The following SF3B2 variants were observed in gnomAD, a reference collection of about 807,000 sequenced individuals.
The protein encoded by SF3B2 is splicing factor 3b subunit 2.
A neutral mutation model predicts 116.3 loss-of-function variants in SF3B2; 22 were observed. The observed-to-expected ratio is 0.19, with a 90% CI of 0.14 to 0.27. The LOEUF (loss-of-function observed/expected upper bound fraction) is 0.27. Among genes scored for constraint, SF3B2 ranks in the 10% least tolerant of loss-of-function variants. The pLI is 1.00. For missense variants in SF3B2, 767 were observed against 1,151.4 expected, an observed-to-expected ratio of 0.67 and a Z score of 4.83; for synonymous variants, 406 against 421.6, an observed-to-expected ratio of 0.96 and a Z score of 0.45.
intron 14 of SF3B2, 127 bp downstream of exon 14, chr11:66,060,858 G>T: frequency 2.9e-6 from 3 of 1,040,456 alleles, no homozygotes. Flanking sequence ...GGAGTGCAGT[G>T]GTGGGATCTC....
At chr11:66,058,769 G>A (rs1590712260) in intron 9 of SF3B2, 61 bp from the exon 10 acceptor site, 1 of 1,418,270 alleles carries the variant, frequency 7.1e-7, no homozygotes, top group East Asian at 2.3e-5. Context: ...GAGTTTAGGG[G>A]TTGGGGTGCT....
intron 2 of SF3B2, 106 bp downstream of exon 2, chr11:66,052,825 G>A (rs927884349): frequency 7.3e-7 from 1 of 1,374,360 alleles, no homozygotes; most frequent in African/African-American, 1.5e-5. Flanking sequence ...GGCACAGCAA[G>A]GCGGAGGCTT....
chr11:66,060,871 C>T (rs1188360081), intron 14 of SF3B2, 140 bp downstream of exon 14: 5 of 895,880 alleles, frequency 5.6e-6, no homozygotes, highest in East Asian at 2.6e-5. Flanking sequence ...GGGATCTCGG[C>T]TCACTGTAAC....
At chr11:66,063,847 C>A in intron 19 of SF3B2, 118 bp downstream of exon 19, 1 of 748,490 alleles carries the variant, frequency 1.3e-6, no homozygotes, top group Non-Finnish European at 2.1e-6. Context: ...CAACTCTCTG[C>A]CAGGCACTAC....
Position 66,057,257 on chromosome 11 carries a change from G to A in SF3B2, c.668-9G>A, listed in dbSNP as rs575508105. 5.7e-5 allele frequency: 88 copies of A among 1,533,886 alleles called. 1 individual carries two copies. In the East Asian group the frequency reaches 9.7e-4, roughly 17 times the overall value. ...TTCTGACATTGGATTTCTTTTTCCC[G>A]TCTCTTAGTAGCTGCTCCAGTGGGC... On this transcript the variant is annotated splice_polypyrimidine_tract_variant and intron_variant, in intron 6 of 21. Coordinates refer to ENST00000322535, the MANE Select transcript of SF3B2 (RefSeq NM_006842.3).
At chr11:66,056,546 ACT>A (rs756469044) in intron 5 of SF3B2, among the ~76,000 whole-genome samples, 42 of 152,122 alleles carry the variant, frequency 2.8e-4, no homozygotes, top group African/African-American at 8.7e-4. Flanking sequence ...GGGGAAGAAA[ACT>A]CTCTGAAAAG....
At chr11:66,057,035 T>G in intron 6 of SF3B2, 80 bp downstream of exon 6, 1 of 1,062,110 alleles carries the variant, frequency 9.4e-7, no homozygotes, top group Non-Finnish European at 1.5e-6. Context: ...ATCTATCACA[T>G]TTAAAAAGGG....
In SF3B2 at chr11:66,063,474, A is replaced by AGAAGAG; in HGVS notation, c.2172_2177dup (p.Glu725_Glu726dup). The AGAAGAG allele has an allele frequency of 1.2e-6, 2 of 1,614,082 alleles. No individual in the cohort carries two copies. Among genetic ancestry groups the AGAAGAG allele is most frequent in the Non-Finnish European group, 1.7e-6 (2 of 1,179,884 alleles). On this transcript the variant is annotated inframe_insertion, in exon 18 of 22. Coordinates refer to ENST00000322535, the MANE Select transcript of SF3B2 (RefSeq NM_006842.3). ...AACCATCTGATGAAGAATCCTCAGA[A>AGAAGAG]GAAGAGGAAGAGGAAGAAAGTGATG...
intron 19 of SF3B2, 170 bp from the exon 20 acceptor site, chr11:66,067,776 C>A: frequency 1.6e-6 from 1 of 610,546 alleles, no homozygotes; most frequent in Non-Finnish European, 2.9e-6. Flanking sequence ...CTGTGCCACC[C>A]CCCCGCCCAA....
At chr11:66,055,031 A>G (rs1856966133) in intron 3 of SF3B2, 45 bp from the exon 4 acceptor site, 6 of 1,489,354 alleles carry the variant, frequency 4.0e-6, no homozygotes, top group Non-Finnish European at 5.4e-6. Flanking sequence ...TTGCAGAATG[A>G]GTAGATAAAT....
Position 66,055,211 on chromosome 11 carries a change from C to T in SF3B2, c.394C>T (p.Pro132Ser). 1.2e-6 allele frequency: 2 copies of T among 1,613,332 alleles called. No individual in the cohort carries two copies. The highest frequency in any genetic ancestry group is 8.5e-7 in the Non-Finnish European group (1 of 1,179,322). ...CCCACCAAATTTGGGGCCCCCGCCTCCTCTCCGTGTGGGTGAGCCAGTGGC... is the reference window on the plus strand; with the variant it reads ...CCCACCAAATTTGGGGCCCCCGCCTTCTCTCCGTGTGGGTGAGCCAGTGGC... ...AHPPNLGPPPPLRVGEPVALS... is the reference protein window; with the variant it reads ...AHPPNLGPPPSLRVGEPVALS... The change falls in exon 4 of 22, where the codon CCT becomes TCT. Residue 132 changes from proline to serine, a missense_variant. Physicochemically the swap from Pro to Ser is moderately conservative, Grantham distance 74. Coordinates refer to ENST00000322535, the MANE Select transcript of SF3B2 (RefSeq NM_006842.3).
chr11:66,056,399 CAAAA>C (rs34575917), intron 5 of SF3B2, among the ~76,000 whole-genome samples: 5 of 52,178 alleles, frequency 9.6e-5, no homozygotes, highest in East Asian at 6.1e-4. Flanking sequence ...GACTCTGTCT[CAAAA>C]AAAAAAAAAA....
rs772844807 is a variant in SF3B2 at position 66,055,576 on chromosome 11, G to A, written c.540G>A (p.Gln180=). 25 of 1,614,186 alleles carry A rather than the reference G, an allele frequency of 1.5e-5. 1 individual carries two copies. The South Asian group carries it at 2.7e-4, about 18-fold the overall frequency. Residue 180 remains glutamine (Q), a synonymous_variant, in exon 5 of 22, where the codon CAG becomes CAA. Coordinates refer to ENST00000322535, the MANE Select transcript of SF3B2 (RefSeq NM_006842.3). ...TGAAGGAACATGAGCTCTTGGAGCA[G>A]CAGAAGCGGGTAATACCCCTCCCCC... ...HSLKEHELLE[Q]QKRAAVLLEQ...
In SF3B2 at chr11:66,052,435, G is replaced by T. The variant is rs556030063; in HGVS notation, c.51G>T (p.Pro17=). The change falls in exon 1 of 22, where the codon CCG becomes CCT. Residue 17 remains proline, a synonymous_variant. Transcript: ENST00000322535. ...EPPKAELQLP[P]PPPPGHYGAW... is the part of the protein sequence containing the mutation. The stretch of plus-strand genomic sequence containing the variant: ...CCAAAGCAGAATTGCAGCTGCCGCC[G>T]CCGCCACCTCCAGGCCACTATGGCG... The T allele has an allele frequency of 6.2e-7, 1 of 1,613,378 alleles. No individual in the cohort carries two copies. Among genetic ancestry groups the T allele is most frequent in the Non-Finnish European group, 8.5e-7 (1 of 1,179,888 alleles).
chr11:66,062,021 T>C (rs1007071539), intron 16 of SF3B2, 23 bp downstream of exon 16: 3 of 1,560,478 alleles, frequency 1.9e-6, no homozygotes, highest in Non-Finnish European at 2.6e-6. Context: ...CTTTCGTTCA[T>C]TCTTGGCCAT....
At position 66,052,383 on chromosome 11, in the gene SF3B2, A is replaced by C. The variant is rs776497707; in HGVS notation, c.-2A>C. The C allele has an allele frequency of 6.2e-5, 100 of 1,609,542 alleles. No homozygotes were observed. The highest frequency in any genetic ancestry group is 6.8e-6 in the Non-Finnish European group (8 of 1,178,408). On this transcript the variant is annotated 5_prime_UTR_variant, in exon 1 of 22. Coordinates refer to ENST00000322535, the MANE Select transcript of SF3B2 (RefSeq NM_006842.3). ...TTGGTCGCGCGCCTTCCTGCGGCTA[A>C]GATGGCGACGGAGCATCCCGAGCCT...
rs1372909309 is a variant in SF3B2 at position 66,052,684 on chromosome 11, G to T, written c.145G>T (p.Glu49Ter). The T allele has an allele frequency of 2.5e-6, 4 of 1,592,858 alleles. No homozygotes were observed. The highest frequency in any genetic ancestry group is 1.4e-5 in the African/African-American group (1 of 73,982). The change falls in exon 2 of 22, where the codon GAG becomes TAG. Residue 49 changes from glutamate to a stop codon, truncating the protein, a stop_gained. Coordinates refer to ENST00000322535, the MANE Select transcript of SF3B2 (RefSeq NM_006842.3). LOFTEE classifies it high-confidence loss of function. Reference protein sequence around the residue: ...IGAPIQGNREELVERLQSYTR... With the variant: ...IGAPIQGNRE ...ACTTTGCCCTGCAGGTAATCGCGAG[G>T]AGCTGGTGGAGCGGCTGCAGAGCTA...
At chr11:66,067,419 C>T (rs773479550) in intron 19 of SF3B2, 19 of 456,214 alleles carry the variant, frequency 4.2e-5, no homozygotes, top group African/African-American at 2.2e-4. Context: ...CCTCTTCCAG[C>T]GGGAGAGGTG....
rs371058741 is a variant in SF3B2, at chr11:66,055,279, G to A, written c.462G>A (p.Ala154=). Reference sequence around the variant, plus strand: ...GGCTGAAGTTGGCTCAGCAGCAGGCGGCATTGCTGATGCAGCAGGAGGAGC... The same window carrying A: ...GGCTGAAGTTGGCTCAGCAGCAGGCAGCATTGCTGATGCAGCAGGAGGAGC... ...EERLKLAQQQ[A]ALLMQQEERA... is the part of the protein sequence containing the mutation. The change falls in exon 4 of 22, where the codon GCG becomes GCA. Residue 154 remains alanine (A), a synonymous_variant. Transcript: ENST00000322535. The A allele has an allele frequency of 8.0e-5, 129 of 1,613,484 alleles. No individual in the cohort carries two copies. The highest frequency in any genetic ancestry group is 1.2e-4 in the African/African-American group (9 of 74,932).
Sources: allele counts gnomAD v4.1 joint callset (sites outside exome capture counted in the v4.1 genomes callset), GRCh38; gene constraint gnomAD v4.1.1; transcripts MANE v1.5; gene names NCBI Gene and HGNC (gene_info 2026-07-23, HGNC 2026-07-21).